The following SZT2 variants were observed in gnomAD, a reference collection of about 807,000 sequenced individuals.
SZT2 encodes SZT2 subunit of KICSTOR complex.
SZT2 carries 216 observed loss-of-function variants against 404.2 expected under a neutral mutation model. The ratio of observed to expected loss-of-function variants is 0.53; its 90% CI spans 0.48 to 0.60. The LOEUF is 0.60. Ranked by LOEUF, SZT2 falls within the 20% of genes least tolerant of loss-of-function variation. The pLI is 0.00. For missense variants in SZT2, 3,857 were observed against 4,459.2 expected (o/e 0.86, Z 3.85); for synonymous variants, 1,693 against 1,749.9 (o/e 0.97, Z 0.81).
Position 43,389,936 on chromosome 1 carries a change from C to T in SZT2, c.-33C>T. Reference sequence around the variant, plus strand: ...TCAGGGGTCAAGAGTGGAACACCCTCACTGGCCCGGGCCGGCGCGGGAGGG... The same window carrying T: ...TCAGGGGTCAAGAGTGGAACACCCTTACTGGCCCGGGCCGGCGCGGGAGGG... On this transcript the variant is annotated 5_prime_UTR_variant, in exon 1 of 72. Coordinates refer to ENST00000634258, the MANE Select transcript of SZT2 (RefSeq NM_001365999.1). 6.7e-7 allele frequency: 1 copy of T among 1,487,242 alleles called. No individual in the cohort carries two copies. Among genetic ancestry groups the T allele is most frequent in the Non-Finnish European group, 8.9e-7 (1 of 1,118,688 alleles). 92.1% of individuals were successfully genotyped at this position (1,487,242 alleles called of 1,614,324 possible).
At chr1:43,394,285 T>C (rs557023085) in intron 1 of SZT2, among the ~76,000 whole-genome samples, 1 of 149,014 alleles carries the variant, frequency 6.7e-6, no homozygotes, top group African/African-American at 2.5e-5. Flanking sequence ...CTTGGCTCAC[T>C]GCAACCTCCA....
chr1:43,438,968 C>T lies in SZT2; in HGVS notation c.6667C>T (p.His2223Tyr). ...TGGAAGTCTCCCCTCAGAGGTGCTG[C>T]ATCTGGCCCTACCCACCTCCTGCAG... ...PPGSLPSEVL[H>Y]LALPTSCRPW... The change falls in exon 48 of 72, where the codon CAT becomes TAT. Residue 2223 changes from histidine (H) to tyrosine (Y), a missense_variant. This residue lies in a region of SZT2 where 261 missense variants were observed against 372.9 expected (regional missense o/e 0.70). Transcript: ENST00000634258. The T allele has an allele frequency of 6.2e-7, 1 of 1,614,222 alleles. No individual in the cohort carries two copies. The highest frequency in any genetic ancestry group is 8.5e-7 in the Non-Finnish European group (1 of 1,180,026).
chr1:43,442,572 T>C lies in SZT2; in HGVS notation c.8105T>C (p.Leu2702Pro), dbSNP rs2153935953. ...TGCCTACTCAGCCAGAAGCTTGGCC[T>C]CTTCCATCATTATGGCCAGTTGGAC... ...IFCLLSQKLG[L>P]FHHYGQLDFP... The change falls in exon 58 of 72, where the codon CTC becomes CCC. Residue 2702 changes from leucine to proline, a missense_variant. This residue lies in a region of SZT2 where 573 missense variants were observed against 592.4 expected (regional missense o/e 0.97). Transcript: ENST00000634258. This position sits in a 1 kb window ranked among gnomAD's most constrained non-coding sequence, Gnocchi z 4.5. The C allele has an allele frequency of 2.5e-6, 4 of 1,613,312 alleles. No individual in the cohort carries two copies. The highest frequency in any genetic ancestry group is 3.4e-6 in the Non-Finnish European group (4 of 1,179,510).
Position 43,421,239 on chromosome 1 carries a change from C to T in SZT2, c.1562C>T (p.Thr521Met), listed in dbSNP as rs746892849. ...QSFSSVPEHF[T>M]LPDSTKSGVP... ...TTCTCCTCAGTGCCTGAGCATTTCA[C>T]GCTTCCTGACAGCACCAAGAGCGGA... The change falls in exon 11 of 72, where the codon ACG (threonine) becomes ATG (methionine). Residue 521 changes from threonine to methionine, a missense_variant. Transcript: ENST00000634258. 1.0e-5 allele frequency: 16 copies of T among 1,598,474 alleles called. No homozygotes were observed. The highest frequency in any genetic ancestry group is 6.7e-5 in the Admixed American group (4 of 59,996).
Position 43,425,270 on chromosome 1 carries a change from G to A in SZT2, c.2645+63G>A, listed in dbSNP as rs1653002055. On this transcript the variant is annotated intron_variant, in intron 18 of 71. Coordinates refer to ENST00000634258, the MANE Select transcript of SZT2 (RefSeq NM_001365999.1). The surrounding 1 kb of genome is among the most constrained non-coding windows in gnomAD (Gnocchi z 4.3). ...TCAGCCTTCTCCCCACCATCCCCTA[G>A]AGGTCTGGCTCCCATATCCTGAGAT... is the stretch of plus-strand genomic sequence containing the variant. The A allele has an allele frequency of 3.1e-6, 5 of 1,591,902 alleles. No homozygotes were observed. The highest frequency in any genetic ancestry group is 1.7e-5 in the Admixed American group (1 of 59,328).
At position 43,430,111 on chromosome 1, in the gene SZT2, G is replaced by GCTCTCTTCCTTAC; in HGVS notation, c.4401+15_4401+27dup. Reference sequence around the variant, plus strand: ...CCATCCAGCAGGCGAGAAGTGAGTGGCTCTCTTCCTTACCTCTCTCGTGCC... The same window carrying GCTCTCTTCCTTAC: ...CCATCCAGCAGGCGAGAAGTGAGTGGCTCTCTTCCTTACCTCTCTTCCTTACCTCTCTCGTGCC... On this transcript the variant is annotated intron_variant, in intron 30 of 71. Transcript: ENST00000634258. 1 of 1,613,806 alleles carries GCTCTCTTCCTTAC rather than the reference G, an allele frequency of 6.2e-7. No homozygotes were observed. Among genetic ancestry groups the GCTCTCTTCCTTAC allele is most frequent in the Admixed American group, 1.7e-5 (1 of 60,018 alleles).
At chr1:43,449,240 C>T (rs1045864288) in intron 70 of SZT2, 1 of 165,096 alleles carries the variant, frequency 6.1e-6, no homozygotes, top group Admixed American at 5.6e-5. Context: ...GTAGAGAGAA[C>T]TGTGGTGGTG....
At chr1:43,403,328 T>C in intron 2 of SZT2, 26 bp downstream of exon 2, 2 of 1,606,906 alleles carry the variant, frequency 1.2e-6, no homozygotes, top group Non-Finnish European at 1.7e-6. Flanking sequence ...ACGAAAGGTG[T>C]GAGGGGCCAG....
At chr1:43,431,573 A>G in intron 35 of SZT2, 50 bp downstream of exon 35, 2 of 1,610,684 alleles carry the variant, frequency 1.2e-6, no homozygotes, top group Non-Finnish European at 1.7e-6. Context: ...CCATCGTATG[A>G]GTGAGATAAG....
At chr1:43,394,094 A>G in intron 1 of SZT2, 1 of 985,126 alleles carries the variant, frequency 1.0e-6, no homozygotes, top group African/African-American at 1.7e-5. Context: ...GAGGACTTGA[A>G]GCTCCATGTG....
chr1:43,431,539 C>G lies in SZT2; in HGVS notation c.5088+16C>G, dbSNP rs1311484149. Reference sequence around the variant, plus strand: ...CATGAATGAGGTGAGCCCCCCACCCCCAACACTGTAACTGATTCCCTTTCC... The same window carrying G: ...CATGAATGAGGTGAGCCCCCCACCCGCAACACTGTAACTGATTCCCTTTCC... On this transcript the variant is annotated intron_variant, in intron 35 of 71. Coordinates refer to ENST00000634258, the MANE Select transcript of SZT2 (RefSeq NM_001365999.1). 4 of 1,614,052 alleles carry G rather than the reference C, an allele frequency of 2.5e-6. No individual in the cohort carries two copies. The highest frequency in any genetic ancestry group is 1.6e-4 in the Middle Eastern group (1 of 6,062).
At chr1:43,400,460 C>G (rs1471476340) in intron 1 of SZT2, among the ~76,000 whole-genome samples, 2 of 152,148 alleles carry the variant, frequency 1.3e-5, no homozygotes, top group Non-Finnish European at 2.9e-5. Flanking sequence ...CTCACCAGGC[C>G]TTGGTTTGAC....
chr1:43,450,671 A>C lies in SZT2; in HGVS notation c.*191A>C. ...TGGCAGCAGGAACCGCCCTCCCCAA[A>C]CACCCACAGCCACTGACCCATCCAG... On this transcript the variant is annotated 3_prime_UTR_variant, in exon 72 of 72. Coordinates refer to ENST00000634258, the MANE Select transcript of SZT2 (RefSeq NM_001365999.1). This position sits in a 1 kb window ranked among gnomAD's most constrained non-coding sequence, Gnocchi z 4.3. The C allele has an allele frequency of 3.5e-6, 3 of 846,560 alleles. No homozygotes were observed. Among genetic ancestry groups the C allele is most frequent in the Non-Finnish European group, 5.5e-6 (3 of 542,954 alleles). 52.4% of individuals were successfully genotyped at this position (846,560 alleles called of 1,614,324 possible).
Position 43,434,422 on chromosome 1 carries a change from G to C in SZT2, c.5841G>C (p.Glu1947Asp), listed in dbSNP as rs527259816. Residue 1947 changes from glutamate (E) to aspartate (D), a missense_variant, in exon 41 of 72, where the codon GAG becomes GAC. Coordinates refer to ENST00000634258, the MANE Select transcript of SZT2 (RefSeq NM_001365999.1). ...GGGAGGATGGGGGGCCGGGCACTGA[G>C]TGTCGCCACCTGCAGCAGCTCCTGG... ...LIREDGGPGT[E>D]CRHLQQLLVR... is the part of the protein sequence containing the mutation. 1.9e-6 allele frequency: 3 copies of C among 1,598,974 alleles called. No individual in the cohort carries two copies. The highest frequency in any genetic ancestry group is 2.6e-6 in the Non-Finnish European group (3 of 1,174,416).
At position 43,453,800 on chromosome 1, in the gene SZT2, G is replaced by T; in HGVS notation, c.*3320G>T. 1 of 1,264,918 alleles carries T rather than the reference G, an allele frequency of 7.9e-7. No homozygotes were observed. Among genetic ancestry groups the T allele is most frequent in the Non-Finnish European group, 9.9e-7 (1 of 1,008,044 alleles). The allele number at this position is 1,264,918 out of a possible 1,614,324, so 78.4% of individuals were successfully genotyped here. On this transcript the variant is annotated 3_prime_UTR_variant, in exon 72 of 72. Transcript: ENST00000634258. ...AGAAGCGCAGCGGCGCCATGCCTGG[G>T]GAGGCCGGGCCGGGCGGAGTCCGCG... is the stretch of plus-strand genomic sequence containing the variant.
Position 43,417,483 on chromosome 1 carries a change from C to T in SZT2, c.879+842C>T, listed in dbSNP as rs1032202445. Among the ~76,000 whole-genome samples, 3 of 152,096 alleles carry T rather than the reference C, an allele frequency of 2.0e-5. No homozygotes were observed. In the South Asian group the frequency reaches 6.2e-4, roughly 32 times the overall value. ...AATGCAAGTTTGTGTATGTTGTGTT[C>T]GAGGTGCCTGTGGTTCAACACAGAC... On this transcript the variant is annotated intron_variant, in intron 7 of 71. Transcript: ENST00000634258.
chr1:43,447,910 C>CT lies in SZT2; in HGVS notation c.9504dup (p.Val3169CysfsTer9). On this transcript the variant is annotated frameshift_variant, in exon 68 of 72. Coordinates refer to ENST00000634258, the MANE Select transcript of SZT2 (RefSeq NM_001365999.1). LOFTEE classifies it high-confidence loss of function. ...CCAGGATGACTTTGATGTGTCTCTG[C>CT]TTGTCTGTCACTGTGCTGCACCCTT... The CT allele has an allele frequency of 1.9e-6, 3 of 1,614,102 alleles. No homozygotes were observed. The highest frequency in any genetic ancestry group is 2.5e-6 in the Non-Finnish European group (3 of 1,180,028).
intron 1 of SZT2, among the ~76,000 whole-genome samples, chr1:43,396,772 C>A (rs1279416193): frequency 6.6e-6 from 1 of 152,168 alleles, no homozygotes; most frequent in African/African-American, 2.4e-5. Context: ...TAAAGCAAAT[C>A]TGTTAGAACC....
chr1:43,445,786 T>C (rs1188250373), intron 62 of SZT2, 108 bp from the exon 63 acceptor site: 1 of 1,125,802 alleles, frequency 8.9e-7, no homozygotes, highest in Non-Finnish European at 1.3e-6. Flanking sequence ...TGTGGGTCTG[T>C]TTCCTCCCTT....
Sources: allele counts gnomAD v4.1 joint callset (sites outside exome capture counted in the v4.1 genomes callset), GRCh38; gene constraint gnomAD v4.1.1; regional missense constraint gnomAD v4.1.1; non-coding constraint Gnocchi (gnomAD v3.1); transcripts MANE v1.5; gene names NCBI Gene and HGNC (gene_info 2026-07-23, HGNC 2026-07-21).